TNRC18: variants seen among roughly 807,000 people sequenced by gnomAD.
The protein encoded by TNRC18 is trinucleotide repeat containing 18.
Under a neutral mutation model 226.7 loss-of-function variants are expected in TNRC18, and 69 were observed. That is an observed-to-expected ratio of 0.30 (90% CI 0.25 to 0.37). TNRC18 has a LOEUF of 0.37. Among genes scored for constraint, TNRC18 ranks in the 10% least tolerant of loss-of-function variants. The pLI, the probability that TNRC18 is intolerant of heterozygous loss-of-function variation, is 1.00. For missense variants in TNRC18, 4,754 were observed against 4,256.6 expected (o/e 1.12, Z -3.25); for synonymous variants, 2,449 against 1,927.6 (o/e 1.27, Z -7.09).
chr7:5,373,565 C>T (rs772791433), intron 10 of TNRC18, among the ~76,000 whole-genome samples: 1 of 152,204 alleles, frequency 6.6e-6, no homozygotes, highest in Non-Finnish European at 1.5e-5. Flanking sequence ...CCCAAGCACA[C>T]GCTCACACAC....
intron 5 of TNRC18, among the ~76,000 whole-genome samples, chr7:5,379,134 T>G (rs558401280): frequency 6.6e-6 from 1 of 151,374 alleles, no homozygotes; most frequent in Non-Finnish European, 1.5e-5. Context: ...GAGGCAGAGG[T>G]TGCAGTGAGC....
chr7:5,312,504 T>A lies in TNRC18; in HGVS notation c.8387A>T (p.Gln2796Leu). 6.2e-7 allele frequency: 1 copy of A among 1,610,556 alleles called. No individual in the cohort carries two copies. Among genetic ancestry groups the A allele is most frequent in the Non-Finnish European group, 8.5e-7 (1 of 1,179,200 alleles). The change falls in exon 27 of 30, where the codon CAG becomes CTG. Residue 2796 changes from glutamine (Q) to leucine (L), a missense_variant and splice_region_variant. Transcript: ENST00000430969. The surrounding 1 kb of genome is among the most constrained non-coding windows in gnomAD (Gnocchi z 6.3). Reference sequence around the variant, plus strand: ...GTGCCCGGGCGCGAGCTTGCTCACCTGGGTGGGCTTGCCGAACCACTTCCA... The same window carrying A: ...GTGCCCGGGCGCGAGCTTGCTCACCAGGGTGGGCTTGCCGAACCACTTCCA... The part of the protein sequence containing the change: ...QLWKWFGKPT[Q>L]RRGMKGKARK...
intron 2 of TNRC18, among the ~76,000 whole-genome samples, chr7:5,404,763 A>AGTGTGTGTGT (rs57464872): frequency 0.011 from 1,655 of 147,208 alleles, 18 homozygotes; most frequent in African/African-American, 0.031. Flanking sequence ...GCACACTTTC[A>AGTGTGTGTGT]GTGTGTGTGT....
chr7:5,338,671 AGC>A (rs1224849834), intron 18 of TNRC18, among the ~76,000 whole-genome samples: 6 of 151,044 alleles, frequency 4.0e-5, no homozygotes, highest in Non-Finnish European at 7.4e-5. Context: ...CTGTAATCCC[AGC>A]ATTTTGGGAG....
rs774297962 is a variant in TNRC18, at chr7:5,371,042, C to T, written c.3552G>A (p.Ala1184=). Reference sequence around the variant, plus strand: ...CAGGGCTGGGGGTAGCCATGGCTTCCGCGGCGGGCAGTGGCAGCGGCGACT... The same window carrying T: ...CAGGGCTGGGGGTAGCCATGGCTTCTGCGGCGGGCAGTGGCAGCGGCGACT... ...PLESPLPLPA[A]EAMATPSPAG... is the part of the protein sequence containing the mutation. Residue 1184 remains alanine, a synonymous_variant, in exon 11 of 30, where the codon GCG becomes GCA. Coordinates refer to ENST00000430969, the MANE Select transcript of TNRC18 (RefSeq NM_001080495.3). The T allele has an allele frequency of 1.6e-4, 260 of 1,610,106 alleles. 2 individuals carry two copies. Among genetic ancestry groups the T allele is most frequent in the South Asian group, 2.2e-5 (2 of 91,058 alleles).
chr7:5,387,377 G>C (rs1779870079), intron 5 of TNRC18, among the ~76,000 whole-genome samples: 1 of 152,198 alleles, frequency 6.6e-6, no homozygotes. Context: ...CTATTCCCAA[G>C]ACCATCTGTT....
chr7:5,323,952 C>T (rs143196813), intron 21 of TNRC18, among the ~76,000 whole-genome samples: 1 of 152,232 alleles, frequency 6.6e-6, no homozygotes, highest in Non-Finnish European at 1.5e-5. Context: ...TTAGGGCCAA[C>T]ACGGAACTCC....
intron 19 of TNRC18, 82 bp downstream of exon 19, chr7:5,332,540 C>G: frequency 7.0e-7 from 1 of 1,426,482 alleles, no homozygotes. Flanking sequence ...AGCCGCTTCC[C>G]TAGGCTGGGA....
chr7:5,403,468 C>T (rs1196362169), intron 2 of TNRC18, among the ~76,000 whole-genome samples: 5 of 150,314 alleles, frequency 3.3e-5, no homozygotes, highest in East Asian at 2.0e-4. Context: ...TTTATCTTCA[C>T]GTTTTAAAAC....
chr7:5,319,697 C>G (rs143296855), intron 24 of TNRC18, among the ~76,000 whole-genome samples: 3 of 152,028 alleles, frequency 2.0e-5, no homozygotes, highest in Admixed American at 2.0e-4. Flanking sequence ...TTAGTAGAGA[C>G]GGGGTTTTAC....
chr7:5,403,370 G>C (rs1781243538), intron 2 of TNRC18, among the ~76,000 whole-genome samples: 1 of 152,138 alleles, frequency 6.6e-6, no homozygotes, highest in Non-Finnish European at 1.5e-5. Context: ...ATGTTGGTCA[G>C]GCTGGTCTCG....
rs1339394594 is a variant in TNRC18, at chr7:5,307,375, A to G, written c.*731T>C. On this transcript the variant is annotated 3_prime_UTR_variant, in exon 30 of 30. Coordinates refer to ENST00000430969, the MANE Select transcript of TNRC18 (RefSeq NM_001080495.3). Reference sequence around the variant, plus strand: ...TACAATAAAACTGTACAGGTTAAGAAGTGCCACCTCCCTCCTGGGTGGGGA... The same window carrying G: ...TACAATAAAACTGTACAGGTTAAGAGGTGCCACCTCCCTCCTGGGTGGGGA... The G allele has an allele frequency of 3.6e-6, 1 of 279,214 alleles. No individual in the cohort carries two copies. The highest frequency in any genetic ancestry group is 7.2e-6 in the Non-Finnish European group (1 of 138,002). 17.3% of individuals were successfully genotyped at this position (279,214 alleles called of 1,614,324 possible). A position where few individuals can be genotyped will look rare whatever the true frequency, so the allele number is the denominator to read the frequency against.
intron 10 of TNRC18, among the ~76,000 whole-genome samples, chr7:5,372,194 A>G (rs1363342776): frequency 6.6e-6 from 1 of 150,664 alleles, no homozygotes; most frequent in Non-Finnish European, 1.5e-5. Flanking sequence ...CACCCTCCCA[A>G]GTAGCTGGGA....
chr7:5,359,695 G>A (rs1051976308), intron 14 of TNRC18, 126 bp from the exon 15 acceptor site: 21 of 996,034 alleles, frequency 2.1e-5, no homozygotes, highest in Admixed American at 2.0e-4. Flanking sequence ...GCAGAGTGAC[G>A]GGCGTGGGGA....
chr7:5,351,928 A>T lies in TNRC18; in HGVS notation c.5361T>A (p.Thr1787=), dbSNP rs369911189. 9.0e-5 allele frequency: 146 copies of T among 1,613,616 alleles called. No individual in the cohort carries two copies. Among genetic ancestry groups the T allele is most frequent in the Non-Finnish European group, 1.2e-4 (144 of 1,179,826 alleles). The change falls in exon 17 of 30, where the codon ACT becomes ACA. Residue 1787 remains threonine, a synonymous_variant. Transcript: ENST00000430969. The part of the protein sequence containing the change: ...LTKRGLAAPR[T]LKPKPATSRK... The stretch of plus-strand genomic sequence containing the variant: ...TGCTGGTGGCCGGCTTGGGTTTCAG[A>T]GTCCGGGGGGCCGCCAGGCCCCTCT...
intron 18 of TNRC18, among the ~76,000 whole-genome samples, chr7:5,341,993 T>C (rs1159506493): frequency 6.6e-6 from 1 of 152,188 alleles, no homozygotes; most frequent in Non-Finnish European, 1.5e-5. Flanking sequence ...CGGCGCCCAT[T>C]CTGCAGCCCA....
Position 5,312,889 on chromosome 7 carries a change from A to G in TNRC18, c.8002T>C (p.Ser2668Pro). 6.6e-7 allele frequency: 1 copy of G among 1,518,346 alleles called. No individual in the cohort carries two copies. Among genetic ancestry groups the G allele is most frequent in the Non-Finnish European group, 8.8e-7 (1 of 1,132,212 alleles). 94.1% of individuals were successfully genotyped at this position (1,518,346 alleles called of 1,614,324 possible). A position where few individuals can be genotyped will look rare whatever the true frequency, so the allele number is the denominator to read the frequency against. ...SSSSSSSSSS[S>P]SSSTTDEDSS... The stretch of plus-strand genomic sequence containing the variant: ...TCCTCGTCTGTGGTGGAGGAAGAAG[A>G]GGAGGAAGAGGAGGAGGAGGAGGAG... Residue 2668 changes from serine (S) to proline (P), a missense_variant, in exon 27 of 30, where the codon TCT (serine) becomes CCT (proline). Physicochemically the swap from Ser to Pro is moderately conservative, Grantham distance 74. Transcript: ENST00000430969. The surrounding 1 kb of genome is among the most constrained non-coding windows in gnomAD (Gnocchi z 6.3).
chr7:5,334,131 G>A (rs1356243785), intron 18 of TNRC18, among the ~76,000 whole-genome samples: 2 of 152,168 alleles, frequency 1.3e-5, no homozygotes, highest in South Asian at 2.1e-4. Flanking sequence ...CTCCAGCACA[G>A]GAGCCGAAAA....
At chr7:5,356,872 G>A (rs1183456869) in intron 16 of TNRC18, 44 bp downstream of exon 16, 2 of 1,484,936 alleles carry the variant, frequency 1.3e-6, no homozygotes, top group South Asian at 2.7e-5. Flanking sequence ...GGGAGAAAAG[G>A]AGAGAAGCAG....
Sources: gnomAD v4.1 joint callset for allele counts (sites outside exome capture counted in the v4.1 genomes callset) on GRCh38, gnomAD v4.1.1 for gene constraint, Gnocchi (gnomAD v3.1) non-coding constraint, MANE v1.5 for transcripts, NCBI Gene and HGNC (gene_info 2026-07-23, HGNC 2026-07-21) for gene names.